Variants in SLC35F3 observed in about 807,000 individuals in gnomAD.
SLC35F3 encodes the protein putative thiamine transporter SLC35F3.
Under a neutral mutation model 49.9 loss-of-function variants are expected in SLC35F3, and 25 were observed. That is an observed-to-expected ratio of 0.50 (90% CI 0.37 to 0.70). The LOEUF (loss-of-function observed/expected upper bound fraction) is 0.70. Among genes scored for constraint, SLC35F3 ranks in the 30% least tolerant of loss-of-function variants. The pLI, the probability that SLC35F3 is intolerant of heterozygous loss-of-function variation, is 0.00. For synonymous variants in SLC35F3, 275 were observed against 265.4 expected, an observed-to-expected ratio of 1.04 and a Z score of -0.35; for missense variants, 525 against 639.8, an observed-to-expected ratio of 0.82 and a Z score of 1.94.
At chr1:234,074,690 A>G (rs1664769026) in intron 2 of SLC35F3, among the ~76,000 whole-genome samples, 1 of 152,196 alleles carries the variant, frequency 6.6e-6, no homozygotes, top group South Asian at 2.1e-4. Context: ...AGGCATAGAG[A>G]AGGTTCAGAA....
chr1:234,164,367 CCT>C (rs954538382), intron 2 of SLC35F3, among the ~76,000 whole-genome samples: 12 of 148,246 alleles, frequency 8.1e-5, no homozygotes, highest in African/African-American at 3.0e-4. Context: ...CCTTCTTTCC[CCT>C]CTCTCCTCAA....
intron 2 of SLC35F3, among the ~76,000 whole-genome samples, chr1:234,151,350 A>G (rs1175396638): frequency 6.6e-6 from 1 of 152,084 alleles, no homozygotes; most frequent in African/African-American, 2.4e-5. Context: ...TCAATTTCAC[A>G]GGAAAATGAG....
chr1:234,240,450 C>T (rs1002491037), intron 3 of SLC35F3, among the ~76,000 whole-genome samples: 10 of 151,602 alleles, frequency 6.6e-5, no homozygotes, highest in Non-Finnish European at 1.5e-4. Context: ...ACAGAAAATA[C>T]AAAAATTAGC....
intron 2 of SLC35F3, among the ~76,000 whole-genome samples, chr1:234,191,334 G>T (rs1341763399): frequency 6.6e-6 from 1 of 152,106 alleles, no homozygotes; most frequent in Non-Finnish European, 1.5e-5. Flanking sequence ...TAAATAACCT[G>T]CTCCTGAATG....
chr1:234,088,198 G>T (rs1487604694), intron 2 of SLC35F3, among the ~76,000 whole-genome samples: 1 of 152,082 alleles, frequency 6.6e-6, no homozygotes, highest in Non-Finnish European at 1.5e-5. Flanking sequence ...TCACTCTGTT[G>T]TTTTGTTTTG....
At chr1:233,981,707 A>C (rs1572007567) in intron 2 of SLC35F3, among the ~76,000 whole-genome samples, 2 of 151,400 alleles carry the variant, frequency 1.3e-5, no homozygotes, top group East Asian at 3.9e-4. Flanking sequence ...TGGGTTGCGT[A>C]GTAAGTGTAT....
chr1:234,065,962 A>AG (rs1664610546), intron 2 of SLC35F3, among the ~76,000 whole-genome samples: 2 of 152,168 alleles, frequency 1.3e-5, no homozygotes, highest in South Asian at 4.1e-4. Context: ...GAATGACTTG[A>AG]GGGCCCTTCG....
Position 234,214,444 on chromosome 1 carries a change from C to A in SLC35F3, c.284-16973C>A. ...GGGCCCGGGAGAGACGCGCTCCAGC[C>A]GGCCCCAGGATGTAGGCGATCGGCG... On this transcript the variant is annotated intron_variant, in intron 2 of 7. Transcript: ENST00000366618. The surrounding 1 kb of genome is among the most constrained non-coding windows in gnomAD (Gnocchi z 8.0). 6.7e-7 allele frequency: 1 copy of A among 1,491,566 alleles called. No homozygotes were observed. Among genetic ancestry groups the A allele is most frequent in the South Asian group, 1.3e-5 (1 of 77,884 alleles). 92.4% of individuals were successfully genotyped at this position (1,491,566 alleles called of 1,614,324 possible). A position where few individuals can be genotyped will look rare whatever the true frequency, so the allele number is the denominator to read the frequency against.
intron 2 of SLC35F3, among the ~76,000 whole-genome samples, chr1:234,002,251 T>C (rs1328819975): frequency 1.3e-5 from 2 of 152,212 alleles, no homozygotes; most frequent in African/African-American, 4.8e-5. Flanking sequence ...GAGGAACCAG[T>C]ATAGATGCAC....
chr1:234,012,291 C>T (rs1447975142), intron 2 of SLC35F3, among the ~76,000 whole-genome samples: 1 of 152,212 alleles, frequency 6.6e-6, no homozygotes, highest in East Asian at 1.9e-4. Flanking sequence ...TATACTGAGA[C>T]ATTTAGTTCC....
chr1:234,285,491 T>C, intron 3 of SLC35F3: 2 of 386,244 alleles, frequency 5.2e-6, no homozygotes, highest in South Asian at 2.0e-5. Context: ...ACAGAAAATT[T>C]TGGGGTGCCA....
intron 4 of SLC35F3, among the ~76,000 whole-genome samples, chr1:234,311,772 G>T (rs898193387): frequency 6.6e-6 from 1 of 152,194 alleles, no homozygotes; most frequent in African/African-American, 2.4e-5. Flanking sequence ...CTTTCTGTAC[G>T]TTCCCTGGTT....
intron 2 of SLC35F3, among the ~76,000 whole-genome samples, chr1:234,002,738 G>C (rs938494502): frequency 1.3e-5 from 2 of 152,152 alleles, no homozygotes; most frequent in Non-Finnish European, 2.9e-5. Flanking sequence ...CCCTTAAGGA[G>C]GGTTGCGTCT....
At chr1:233,975,759 G>A (rs1440872618) in intron 2 of SLC35F3, among the ~76,000 whole-genome samples, 1 of 152,204 alleles carries the variant, frequency 6.6e-6, no homozygotes, top group Non-Finnish European at 1.5e-5. Context: ...GGGAGGCTCA[G>A]GAAGTTCTCA....
intron 2 of SLC35F3, among the ~76,000 whole-genome samples, chr1:234,122,183 A>G (rs1247099476): frequency 2.0e-5 from 3 of 152,214 alleles, no homozygotes; most frequent in Non-Finnish European, 4.4e-5. Context: ...CACTCCCACC[A>G]ACTGTGTAAA....
chr1:234,034,525 T>G (rs1196434699), intron 2 of SLC35F3, among the ~76,000 whole-genome samples: 1 of 152,166 alleles, frequency 6.6e-6, no homozygotes, highest in Non-Finnish European at 1.5e-5. Flanking sequence ...ATTCATTCAT[T>G]CATTTATTTT....
intron 2 of SLC35F3, among the ~76,000 whole-genome samples, chr1:233,991,483 C>A (rs1203904570): frequency 2.6e-5 from 4 of 151,690 alleles, no homozygotes; most frequent in Admixed American, 6.6e-5. Flanking sequence ...AGAAAAAAAA[C>A]TAGAGGGTAC....
intron 2 of SLC35F3, among the ~76,000 whole-genome samples, chr1:233,955,480 T>C (rs1039444464): frequency 6.6e-6 from 1 of 152,154 alleles, no homozygotes; most frequent in Admixed American, 6.5e-5. Context: ...CATATCTAAT[T>C]GGTGGACACT....
intron 2 of SLC35F3, among the ~76,000 whole-genome samples, chr1:234,142,670 C>T (rs906359727): frequency 2.0e-5 from 3 of 151,124 alleles, no homozygotes; most frequent in Non-Finnish European, 2.9e-5. Flanking sequence ...AAAAAAAAAA[C>T]GCATGATGTG....
Sources: gnomAD v4.1 joint callset for allele counts (sites outside exome capture counted in the v4.1 genomes callset) on GRCh38, gnomAD v4.1.1 for gene constraint, Gnocchi (gnomAD v3.1) non-coding constraint, MANE v1.5 for transcripts, NCBI Gene and HGNC (gene_info 2026-07-23, HGNC 2026-07-21) for gene names.